BLTP1: variants seen among roughly 807,000 people sequenced by gnomAD.
The protein encoded by BLTP1 is bridge-like lipid transfer protein family member 1.
the BLTP1 span, among the ~76,000 whole-genome samples, chr4:122,215,070 T>A: frequency 1.3e-5 from 2 of 152,234 alleles, no homozygotes; most frequent in Non-Finnish European, 2.9e-5. Context: ...ATTCAGTAAC[T>A]ACAAATGTAT....
the BLTP1 span, chr4:122,210,814 T>C: frequency 6.4e-7 from 1 of 1,553,338 alleles, no homozygotes; most frequent in Non-Finnish European, 8.7e-7. Flanking sequence ...GAATATTTCC[T>C]TGAAGATCTT....
chr4:122,219,936 G>C, the BLTP1 span, among the ~76,000 whole-genome samples: 1 of 152,140 alleles, frequency 6.6e-6, no homozygotes, highest in African/African-American at 2.4e-5. Flanking sequence ...TGGTGGACCT[G>C]TTATAAAATG....
chr4:122,249,018 TG>T, the BLTP1 span: 2 of 963,878 alleles, frequency 2.1e-6, no homozygotes. Flanking sequence ...CTGTAAGCAG[TG>T]GAACCATGAC....
chr4:122,267,041 TAAGG>T, the BLTP1 span: 16 of 465,140 alleles, frequency 3.4e-5, no homozygotes, highest in Middle Eastern at 2.0e-3. Context: ...GTAATCCAAA[TAAGG>T]AAGTAATTTT....
chr4:122,172,480 C>A, the BLTP1 span: 1 of 267,286 alleles, frequency 3.7e-6, no homozygotes, highest in Non-Finnish European at 5.8e-6. Flanking sequence ...TCAATGACAT[C>A]ATAACTTATT....
the BLTP1 span, among the ~76,000 whole-genome samples, chr4:122,178,329 T>G: frequency 1.3e-5 from 2 of 152,200 alleles, no homozygotes; most frequent in South Asian, 4.1e-4. Flanking sequence ...ATGTCCTGAT[T>G]ATTAGGCATA....
the BLTP1 span, chr4:122,346,051 G>C: frequency 1.7e-5 from 17 of 982,598 alleles, no homozygotes; most frequent in Non-Finnish European, 2.1e-5. Flanking sequence ...TGTAGGTATG[G>C]GCTCAGACAA....
At chr4:122,338,742 T>G in the BLTP1 span, among the ~76,000 whole-genome samples, 1 of 152,138 alleles carries the variant, frequency 6.6e-6, no homozygotes, top group East Asian at 1.9e-4. Context: ...AAATACTGTA[T>G]TTTCAATCCA....
the BLTP1 span, chr4:122,257,053 A>G: frequency 1.7e-5 from 3 of 172,776 alleles, no homozygotes; most frequent in East Asian, 5.7e-4. Flanking sequence ...CGTTGTGCCT[A>G]GAGATTAGAT....
At chr4:122,338,364 T>C in the BLTP1 span, among the ~76,000 whole-genome samples, 1 of 151,946 alleles carries the variant, frequency 6.6e-6, no homozygotes, top group East Asian at 1.9e-4. Context: ...TCCTAGCAAC[T>C]TGGGAGGCTG....
At chr4:122,231,889 A>C in the BLTP1 span, 1 of 865,526 alleles carries the variant, frequency 1.2e-6, no homozygotes, top group African/African-American at 1.8e-5. Flanking sequence ...AAATTACATT[A>C]ATCTTTTAAA....
the BLTP1 span, chr4:122,347,245 C>A: frequency 3.0e-6 from 3 of 983,642 alleles, no homozygotes; most frequent in Non-Finnish European, 3.6e-6. Flanking sequence ...AAACTAGAGT[C>A]AGTTACATAG....
the BLTP1 span, chr4:122,184,724 C>G: frequency 1.0e-6 from 1 of 984,890 alleles, no homozygotes; most frequent in Non-Finnish European, 1.2e-6. Context: ...TGGTACTATA[C>G]AGTCACAGTC....
chr4:122,337,407 C>A, the BLTP1 span, among the ~76,000 whole-genome samples: 3 of 151,948 alleles, frequency 2.0e-5, no homozygotes, highest in Non-Finnish European at 4.4e-5. Flanking sequence ...TATTGAATAT[C>A]TCATGTAATT....
chr4:122,184,721 A>G, the BLTP1 span: 8 of 985,084 alleles, frequency 8.1e-6, no homozygotes, highest in South Asian at 1.9e-4. Flanking sequence ...AACTGGTACT[A>G]TACAGTCACA....
the BLTP1 span, chr4:122,161,328 CT>C: frequency 3.7e-5 from 6 of 160,192 alleles, no homozygotes; most frequent in Non-Finnish European, 7.9e-5. Flanking sequence ...TGTTTCTTTA[CT>C]TTTTTTTGGC....
chr4:122,262,889 C>T, the BLTP1 span: 1 of 1,614,018 alleles, frequency 6.2e-7, no homozygotes, highest in African/African-American at 1.3e-5. Flanking sequence ...TACTCAGCTA[C>T]CTGACTGGAA....
chr4:122,231,131 A>G, the BLTP1 span, among the ~76,000 whole-genome samples: 1 of 152,290 alleles, frequency 6.6e-6, no homozygotes, highest in Admixed American at 6.5e-5. Flanking sequence ...TGCACATAAA[A>G]TATTTTCCCA....
chr4:122,220,404 A>G, the BLTP1 span: 1 of 1,613,146 alleles, frequency 6.2e-7, no homozygotes, highest in Non-Finnish European at 8.5e-7. Context: ...TGAAAAAAGG[A>G]TTTAGGGAGA....
Sources: gnomAD v4.1 joint callset for allele counts (sites outside exome capture counted in the v4.1 genomes callset) on GRCh38, gnomAD v4.1.1 for gene constraint, MANE v1.5 for transcripts, NCBI Gene and HGNC (gene_info 2026-07-23, HGNC 2026-07-21) for gene names.